Variants in VANGL1 observed in about 807,000 individuals in gnomAD.
The protein encoded by VANGL1 is vang-like protein 1.
VANGL1 carries 18 observed loss-of-function variants against 48.4 expected under a neutral mutation model. That is an observed-to-expected ratio of 0.37 (90% confidence interval 0.26 to 0.55). The LOEUF is 0.55. Ranked by LOEUF, VANGL1 falls within the 20% of genes least tolerant of loss-of-function variation. The probability of loss-of-function intolerance (pLI) is 0.81; values close to 1 mark genes in which losing one functional copy is unlikely to be tolerated. For synonymous variants in VANGL1, 257 were observed against 261.8 expected (o/e 0.98, Z 0.18); for missense variants, 667 against 675.8 (o/e 0.99, Z 0.14).
At chr1:115,656,304 A>G (rs896712368) in intron 2 of VANGL1, among the ~76,000 whole-genome samples, 7 of 152,224 alleles carry the variant, frequency 4.6e-5, no homozygotes, top group African/African-American at 7.2e-5. Flanking sequence ...AGCCCCTGCT[A>G]TATACAGGGC....
At chr1:115,687,476 T>G (rs1653674055) in intron 7 of VANGL1, among the ~76,000 whole-genome samples, 1 of 139,012 alleles carries the variant, frequency 7.2e-6, no homozygotes, top group South Asian at 2.4e-4. Flanking sequence ...TTGCTTTTTG[T>G]TTCATTTAAA....
chr1:115,681,303 C>T (rs1461015816), intron 4 of VANGL1, among the ~76,000 whole-genome samples: 1 of 152,170 alleles, frequency 6.6e-6, no homozygotes, highest in African/African-American at 2.4e-5. Context: ...CACATCCTCT[C>T]TCCCACTTGT....
At chr1:115,674,571 A>G (rs1279048320) in intron 4 of VANGL1, among the ~76,000 whole-genome samples, 14 of 152,240 alleles carry the variant, frequency 9.2e-5, no homozygotes. Flanking sequence ...TTTTTCTGTC[A>G]GCATGTACCT....
chr1:115,666,357 G>A (rs965435492), intron 4 of VANGL1, among the ~76,000 whole-genome samples: 1 of 152,184 alleles, frequency 6.6e-6, no homozygotes. Context: ...CTGCATCTGA[G>A]TGGGAGTGGA....
At chr1:115,653,947 T>C (rs753333432) in intron 2 of VANGL1, among the ~76,000 whole-genome samples, 10 of 152,120 alleles carry the variant, frequency 6.6e-5, no homozygotes, top group Non-Finnish European at 7.4e-5. Context: ...ATTCTCCAAC[T>C]GACTGCAGCA....
chr1:115,644,297 G>A (rs1006412464), intron 1 of VANGL1, among the ~76,000 whole-genome samples: 4 of 152,170 alleles, frequency 2.6e-5, no homozygotes, highest in African/African-American at 9.7e-5. Context: ...CGGATTAAGT[G>A]AGATATTACA....
At chr1:115,673,594 CTTTTTTTTTT>C in intron 4 of VANGL1, among the ~76,000 whole-genome samples, 1 of 108,584 alleles carries the variant, frequency 9.2e-6, no homozygotes, top group South Asian at 2.9e-4. Flanking sequence ...TGTATGTCCT[CTTTTTTTTTT>C]TTTTTTTTTT....
intron 6 of VANGL1, among the ~76,000 whole-genome samples, chr1:115,684,307 AT>A (rs904215879): frequency 6.6e-6 from 1 of 151,390 alleles, no homozygotes; most frequent in Non-Finnish European, 1.5e-5. Context: ...CCCGGCTAAT[AT>A]TTGGTATTTT....
chr1:115,682,486 A>G lies in VANGL1; in HGVS notation c.935A>G (p.Tyr312Cys). The change falls in exon 5 of 8, where the codon TAC becomes TGC. Residue 312 changes from tyrosine (Y) to cysteine (C), a missense_variant. By Grantham distance (194) the Tyr-to-Cys change is radical (BLOSUM62 -2). Coordinates refer to ENST00000355485, the MANE Select transcript of VANGL1 (RefSeq NM_138959.3). ...AAKHMAGLKVYNVDGPSNNAT... is the reference protein window; with the variant it reads ...AAKHMAGLKVCNVDGPSNNAT... ...AAGCATATGGCCGGGCTGAAAGTCTACAATGTAGATGGTATGTGCCTTGAA... is the reference window on the plus strand; with the variant it reads ...AAGCATATGGCCGGGCTGAAAGTCTGCAATGTAGATGGTATGTGCCTTGAA... The G allele has an allele frequency of 6.2e-7, 1 of 1,614,170 alleles. No homozygotes were observed. Among genetic ancestry groups the G allele is most frequent in the East Asian group, 2.2e-5 (1 of 44,878 alleles).
In VANGL1 at chr1:115,685,156, G is replaced by A. The variant is rs968112743; in HGVS notation, c.1080-137G>A. 2.3e-5 allele frequency: 20 copies of A among 885,326 alleles called. No homozygotes were observed. The Middle Eastern group carries it at 2.4e-3, about 107-fold the overall frequency. 54.8% of individuals were successfully genotyped at this position (885,326 alleles called of 1,614,324 possible). A position where few individuals can be genotyped will look rare whatever the true frequency, so the allele number is the denominator to read the frequency against. On this transcript the variant is annotated intron_variant, in intron 6 of 7. Coordinates refer to ENST00000355485, the MANE Select transcript of VANGL1 (RefSeq NM_138959.3). ...CTCCCTCTCCACTCTCTGAGGGACA[G>A]CTAAGGATGCAAGCAGCGTGATTGG...
chr1:115,684,526 C>T (rs1402334120), intron 6 of VANGL1, among the ~76,000 whole-genome samples: 1 of 152,182 alleles, frequency 6.6e-6, no homozygotes, highest in East Asian at 1.9e-4. Context: ...CTTTGGAGTG[C>T]ACCTTGCTCC....
intron 7 of VANGL1, among the ~76,000 whole-genome samples, chr1:115,690,421 A>G (rs75888120): frequency 0.013 from 1,970 of 152,338 alleles, 39 homozygotes; most frequent in African/African-American, 0.045. Context: ...CAGAGAACTC[A>G]GGAGAGGGAA....
intron 4 of VANGL1, among the ~76,000 whole-genome samples, chr1:115,681,497 TTTGTTGTTTTTTTTG>T: frequency 1.1e-5 from 1 of 92,082 alleles, no homozygotes. Flanking sequence ...CTCTCTTTTT[TTTGTTGTTTTTTTTG>T]TTTTTTTTTT....
At position 115,697,962 on chromosome 1, in the gene VANGL1, G is replaced by A. The variant is rs1358689621; in HGVS notation, c.*6583G>A. 6.6e-6 allele frequency: 1 copy of A among 152,162 alleles called. No individual in the cohort carries two copies. The highest frequency in any genetic ancestry group is 1.5e-5 in the Non-Finnish European group (1 of 68,044). The allele number at this position is 152,162 out of a possible 1,614,324, so 9.4% of individuals were successfully genotyped here. The stretch of plus-strand genomic sequence containing the variant: ...TTGACACATTTGCAAGCATGTAAAT[G>A]AATGAATGACACTACCAGCAACCAT... On this transcript the variant is annotated 3_prime_UTR_variant, in exon 8 of 8. Coordinates refer to ENST00000355485, the MANE Select transcript of VANGL1 (RefSeq NM_138959.3).
At chr1:115,663,111 C>G (rs1051952923) in intron 3 of VANGL1, among the ~76,000 whole-genome samples, 1 of 152,124 alleles carries the variant, frequency 6.6e-6, no homozygotes, top group African/African-American at 2.4e-5. Context: ...AAATGTGGGT[C>G]CTAGCTACAG....
rs576206870 is a variant in VANGL1 at position 115,672,501 on chromosome 1, C to T, written c.812+8233C>T. Among the ~76,000 whole-genome samples, 7 of 152,234 alleles carry T rather than the reference C, an allele frequency of 4.6e-5. No individual in the cohort carries two copies. The East Asian group carries it at 1.2e-3, about 25-fold the overall frequency. On this transcript the variant is annotated intron_variant, in intron 4 of 7. Coordinates refer to ENST00000355485, the MANE Select transcript of VANGL1 (RefSeq NM_138959.3). The stretch of plus-strand genomic sequence containing the variant: ...AGAGCCTCTGATCTGTTTCCCTTTG[C>T]GGGATGGTCAGTCTCCTGTGTCTCA...
Position 115,684,064 on chromosome 1 carries a change from A to G in VANGL1, c.1067A>G (p.Lys356Arg). The G allele has an allele frequency of 6.2e-7, 1 of 1,613,828 alleles. No homozygotes were observed. The highest frequency in any genetic ancestry group is 1.1e-5 in the South Asian group (1 of 91,078). Residue 356 changes from lysine to arginine, a missense_variant, in exon 6 of 8, where the codon AAG becomes AGG. By Grantham distance (26) the Lys-to-Arg change is conservative. Coordinates refer to ENST00000355485, the MANE Select transcript of VANGL1 (RefSeq NM_138959.3). ...GCCGAACATGAACGGCGAGTAAAGA[A>G]GCGGAAAGCAAGGTATACTGCCCTC... The part of the protein sequence containing the change: ...EEAEHERRVK[K>R]RKARLVVAVE...
chr1:115,698,098 CA>C lies in VANGL1; in HGVS notation c.*6721del, dbSNP rs1448891062. On this transcript the variant is annotated 3_prime_UTR_variant, in exon 8 of 8. Transcript: ENST00000355485. ...CTGATGGAATAGTGTACCTGTCACCCAAGTTATTTTGTTCCTTTTTGGGTCC... is the reference window on the plus strand; with the variant it reads ...CTGATGGAATAGTGTACCTGTCACCCAGTTATTTTGTTCCTTTTTGGGTCC... 1 of 152,066 alleles carries C rather than the reference CA, an allele frequency of 6.6e-6. No individual in the cohort carries two copies. The highest frequency in any genetic ancestry group is 6.5e-5 in the Admixed American group (1 of 15,270). 9.4% of individuals were successfully genotyped at this position (152,066 alleles called of 1,614,324 possible).
intron 4 of VANGL1, among the ~76,000 whole-genome samples, chr1:115,670,235 C>A (rs949816931): frequency 6.6e-6 from 1 of 152,192 alleles, no homozygotes; most frequent in Non-Finnish European, 1.5e-5. Context: ...CCCCAACCTC[C>A]AGAACTGTAA....
Sources: gnomAD v4.1 joint callset for allele counts (sites outside exome capture counted in the v4.1 genomes callset) on GRCh38, gnomAD v4.1.1 for gene constraint, MANE v1.5 for transcripts, NCBI Gene and HGNC (gene_info 2026-07-23, HGNC 2026-07-21) for gene names.